Variants in TBC1D30 observed in about 807,000 individuals in gnomAD.
TBC1D30 encodes TBC1 domain family, member 30.
TBC1D30 carries 31 observed loss-of-function variants against 63.2 expected under a neutral mutation model. The observed-to-expected ratio is 0.49, with a 90% CI of 0.37 to 0.66. TBC1D30 has a LOEUF of 0.66. Ranked by LOEUF, TBC1D30 falls within the 30% of genes least tolerant of loss-of-function variation. TBC1D30 has a pLI of 0.00. For synonymous variants in TBC1D30, 307 were observed against 361.5 expected (o/e 0.85, Z 1.71); for missense variants, 810 against 953.6 (o/e 0.85, Z 1.98).
At chr12:64,795,437 C>T (rs1403379454) in intron 2 of TBC1D30, among the ~76,000 whole-genome samples, 1 of 152,148 alleles carries the variant, frequency 6.6e-6, no homozygotes, top group African/African-American at 2.4e-5. Context: ...TAAACTTTTG[C>T]AGGGGTGGGA....
At chr12:64,789,061 A>G (rs971720859) in intron 2 of TBC1D30, among the ~76,000 whole-genome samples, 1 of 151,938 alleles carries the variant, frequency 6.6e-6, no homozygotes, top group Admixed American at 6.6e-5. Context: ...TGAATAACAT[A>G]TTGACTTTCT....
intron 8 of TBC1D30, among the ~76,000 whole-genome samples, chr12:64,856,367 A>G (rs948019777): frequency 1.3e-5 from 2 of 152,204 alleles, no homozygotes; most frequent in African/African-American, 4.8e-5. Flanking sequence ...AAAATATCCA[A>G]ATTATCACCA....
At chr12:64,864,647 A>ATTTTTGCTTTT (rs1878062601) in intron 8 of TBC1D30, 21 bp from the exon 9 acceptor site, 1 of 1,497,528 alleles carries the variant, frequency 6.7e-7, no homozygotes, top group African/African-American at 1.4e-5. Context: ...CAGACTTGGC[A>ATTTTTGCTTTT]TTTTTGCTTT....
rs970570607 is a variant in TBC1D30, at chr12:64,878,108, A to G, written c.*2320A>G. ...GGGATACGTATCTGTTGAATGAATGAATAAGTGAAAGGATAATAGTCCTCT... is the reference window on the plus strand; with the variant it reads ...GGGATACGTATCTGTTGAATGAATGGATAAGTGAAAGGATAATAGTCCTCT... On this transcript the variant is annotated 3_prime_UTR_variant, in exon 12 of 12. Transcript: ENST00000539867. 1 of 207,972 alleles carries G rather than the reference A, an allele frequency of 4.8e-6. No individual in the cohort carries two copies. Among genetic ancestry groups the G allele is most frequent in the East Asian group, 1.1e-4 (1 of 8,968 alleles). 12.9% of individuals were successfully genotyped at this position (207,972 alleles called of 1,614,324 possible).
chr12:64,819,406 C>CT (rs55757950), intron 2 of TBC1D30, among the ~76,000 whole-genome samples: 1,438 of 78,036 alleles, frequency 0.018, 102 homozygotes, highest in Middle Eastern at 0.028. Context: ...GAAGGAACTA[C>CT]TTTTTTTTTT....
chr12:64,780,974 C>CGGGACACGTGGGACGGCGATG (rs1374613035), exon 1 of TBC1D30: 84 of 1,053,924 alleles, frequency 8.0e-5, no homozygotes, highest in Non-Finnish European at 9.2e-5. Flanking sequence ...GCGGCGCTCC[C>CGGGACACGTGGGACGGCGATG]GGGACACGTG....
chr12:64,782,391 T>G (rs945201514), intron 1 of TBC1D30, among the ~76,000 whole-genome samples: 3 of 125,886 alleles, frequency 2.4e-5, no homozygotes, highest in Admixed American at 7.6e-5. Flanking sequence ...CTAGTGAAGA[T>G]TTTTTTTTTT....
intron 1 of TBC1D30, among the ~76,000 whole-genome samples, chr12:64,774,547 G>C (rs1730787542): frequency 6.6e-6 from 1 of 152,100 alleles, no homozygotes; most frequent in African/African-American, 2.4e-5. Flanking sequence ...AGAGAGAAAA[G>C]CCAGGTCACT....
intron 2 of TBC1D30, among the ~76,000 whole-genome samples, chr12:64,791,680 T>TTGTG (rs58531661): frequency 3.3e-5 from 5 of 150,344 alleles, no homozygotes; most frequent in African/African-American, 1.2e-4. Flanking sequence ...CCTGGCTAAT[T>TTGTG]TGTGTGTGTG....
In TBC1D30 at chr12:64,864,764, C is replaced by A; in HGVS notation, c.1135C>A (p.Pro379Thr). The A allele has an allele frequency of 6.5e-7, 1 of 1,535,566 alleles. No homozygotes were observed. The highest frequency in any genetic ancestry group is 8.7e-7 in the Non-Finnish European group (1 of 1,146,490). The change falls in exon 9 of 12, where the codon CCC (proline) becomes ACC (threonine). Residue 379 changes from proline (P) to threonine (T), a missense_variant. Coordinates refer to ENST00000539867, the MANE Select transcript of TBC1D30 (RefSeq NM_015279.2). ...NITPFPATVK[P>T]TSVSGRHSKA... ...TACACCGTTCCCAGCCACAGTTAAA[C>A]CCACCTCAGTTTCTGGGTAAGGTTT...
chr12:64,786,193 A>C (rs1871560470), intron 2 of TBC1D30: 1 of 412,722 alleles, frequency 2.4e-6, no homozygotes, highest in Admixed American at 3.9e-5. Flanking sequence ...CAACTCAGAC[A>C]GTTTCCTATT....
At position 64,880,323 on chromosome 12, in the gene TBC1D30, G is replaced by A. The variant is rs1181932890; in HGVS notation, c.*4535G>A. 6.6e-6 allele frequency: 1 copy of A among 152,296 alleles called. No individual in the cohort carries two copies. Among genetic ancestry groups the A allele is most frequent in the East Asian group, 1.9e-4 (1 of 5,208 alleles). The allele number at this position is 152,296 out of a possible 1,614,324, so 9.4% of individuals were successfully genotyped here. Reference sequence around the variant, plus strand: ...GGCCATCTCCCAATGCTGAATGTCTGACTCAGTTCAGGCTGCTGTAACAAA... The same window carrying A: ...GGCCATCTCCCAATGCTGAATGTCTAACTCAGTTCAGGCTGCTGTAACAAA... On this transcript the variant is annotated 3_prime_UTR_variant, in exon 12 of 12. Transcript: ENST00000539867.
intron 1 of TBC1D30, among the ~76,000 whole-genome samples, chr12:64,784,679 C>A (rs903381290): frequency 3.3e-5 from 5 of 151,600 alleles, no homozygotes; most frequent in African/African-American, 1.2e-4. Context: ...TTCTGGTTCC[C>A]AAATTTGTTT....
chr12:64,828,567 C>G (rs1144426), intron 3 of TBC1D30, 58 bp downstream of exon 3: 701,465 of 1,150,598 alleles, frequency 0.61, 219,224 homozygotes, highest in East Asian at 0.89. Flanking sequence ...TTCTTTAGAG[C>G]CTCTGGAATG....
chr12:64,827,447 G>A (rs966403845), intron 1 of TBC1D30, among the ~76,000 whole-genome samples: 1 of 152,172 alleles, frequency 6.6e-6, no homozygotes, highest in Non-Finnish European at 1.5e-5. Context: ...GTGATATATT[G>A]AGACTGTATC....
chr12:64,802,115 G>A (rs1872609406), intron 2 of TBC1D30, among the ~76,000 whole-genome samples: 1 of 152,166 alleles, frequency 6.6e-6, no homozygotes, highest in Non-Finnish European at 1.5e-5. Flanking sequence ...GCTAATGAAT[G>A]CATGTCCTAT....
chr12:64,799,289 T>C (rs1872469428), intron 2 of TBC1D30, among the ~76,000 whole-genome samples: 1 of 152,206 alleles, frequency 6.6e-6, no homozygotes, highest in South Asian at 2.1e-4. Flanking sequence ...CCCCTCTGTG[T>C]TTCAGTTTTC....
At chr12:64,765,619 A>AT (rs1420133719) in intron 1 of TBC1D30, among the ~76,000 whole-genome samples, 1 of 151,680 alleles carries the variant, frequency 6.6e-6, no homozygotes, top group Non-Finnish European at 1.5e-5. Flanking sequence ...GAAGAAGTTA[A>AT]TAGATTAATG....
Position 64,830,611 on chromosome 12 carries a change from C to T in TBC1D30, c.408+109C>T, listed in dbSNP as rs556948400. 1.5e-5 allele frequency: 16 copies of T among 1,061,460 alleles called. No homozygotes were observed. In the African/African-American group the frequency reaches 1.9e-4, roughly 13 times the overall value. 65.8% of individuals were successfully genotyped at this position (1,061,460 alleles called of 1,614,324 possible). ...GATCTCTACCTTCTGGTTTGAATGT[C>T]TGTATATTTTCTGCCTTCTCATTTC... is the stretch of plus-strand genomic sequence containing the variant. On this transcript the variant is annotated intron_variant, in intron 4 of 11. Transcript: ENST00000539867.
Sources: allele counts gnomAD v4.1 joint callset (sites outside exome capture counted in the v4.1 genomes callset), GRCh38; gene constraint gnomAD v4.1.1; transcripts MANE v1.5; gene names NCBI Gene and HGNC (gene_info 2026-07-23, HGNC 2026-07-21).